CA14: variants seen among roughly 807,000 people sequenced by gnomAD.
CA14 encodes CA-XIV.
In CA14, 44 loss-of-function variants were observed where a neutral mutation model predicts 48.8. The observed-to-expected ratio is 0.90, with a 90% CI of 0.71 to 1.16. CA14 has a LOEUF of 1.16. Ranked by LOEUF, CA14 falls within the 50% of genes most tolerant of loss-of-function variation. CA14 has a pLI of 0.00. For missense variants in CA14, 386 were observed against 401.0 expected, an observed-to-expected ratio of 0.96 and a Z score of 0.32; for synonymous variants, 154 against 155.0, an observed-to-expected ratio of 0.99 and a Z score of 0.05.
In CA14 at chr1:150,262,630, C is replaced by T; in HGVS notation, c.495+10C>T. The T allele has an allele frequency of 1.3e-6, 2 of 1,599,856 alleles. No homozygotes were observed. Among genetic ancestry groups the T allele is most frequent in the South Asian group, 2.2e-5 (2 of 90,778 alleles). On this transcript the variant is annotated intron_variant, in intron 5 of 10. Transcript: ENST00000369111. ...GGGCATCCTAATTGAGGTCAGTAGC[C>T]CCCAGTCCCTTCCAGGTTTCTCTCC...
At chr1:150,262,775 CAA>C in intron 5 of CA14, 27 bp from the exon 6 acceptor site, 1 of 1,566,566 alleles carries the variant, frequency 6.4e-7, no homozygotes, top group Non-Finnish European at 8.8e-7. Flanking sequence ...GGACTCATTC[CAA>C]ACTCTCTCCC....
chr1:150,262,096 AC>A, intron 3 of CA14, 61 bp from the exon 4 acceptor site: 2 of 1,605,200 alleles, frequency 1.2e-6, no homozygotes, highest in South Asian at 1.1e-5. Flanking sequence ...AGTGGTGGCA[AC>A]CCAGGAGTGG....
At position 150,263,035 on chromosome 1, in the gene CA14, T is replaced by C. The variant is rs1553848264; in HGVS notation, c.563-7T>C. 3.7e-6 allele frequency: 6 copies of C among 1,613,884 alleles called. No homozygotes were observed. Among genetic ancestry groups the C allele is most frequent in the Non-Finnish European group, 5.1e-6 (6 of 1,179,894 alleles). On this transcript the variant is annotated splice_polypyrimidine_tract_variant and splice_region_variant and intron_variant, in intron 6 of 10. Coordinates refer to ENST00000369111, the MANE Select transcript of CA14 (RefSeq NM_012113.3). ...AAGGAAGATGAGTCCCAGTCTGTTCTCCCCAGATCAGAAGACCTCAGTGCC... is the reference window on the plus strand; with the variant it reads ...AAGGAAGATGAGTCCCAGTCTGTTCCCCCCAGATCAGAAGACCTCAGTGCC...
chr1:150,262,140 T>C lies in CA14; in HGVS notation c.257-18T>C. On this transcript the variant is annotated intron_variant, in intron 3 of 10. Transcript: ENST00000369111. The stretch of plus-strand genomic sequence containing the variant: ...TCCACATGCCTCCACCAATCCGAGT[T>C]TGCTCTTTTCCTCACAGTGCAACTC... 1.2e-6 allele frequency: 2 copies of C among 1,614,096 alleles called. No homozygotes were observed. Among genetic ancestry groups the C allele is most frequent in the Non-Finnish European group, 1.7e-6 (2 of 1,179,974 alleles).
chr1:150,262,544 ACT>A lies in CA14; in HGVS notation c.422_423del (p.Ser141Ter), dbSNP rs782576350. 170 of 1,613,460 alleles carry A rather than the reference ACT, an allele frequency of 1.1e-4. No individual in the cohort carries two copies. Among genetic ancestry groups the A allele is most frequent in the Non-Finnish European group, 1.4e-4 (165 of 1,179,692 alleles). ...CTTTAGCTCCACATTGTACATTATG[ACT>A]CTGATTCCTATGACAGCTTGAGTGA... On this transcript the variant is annotated frameshift_variant, in exon 5 of 11. Coordinates refer to ENST00000369111, the MANE Select transcript of CA14 (RefSeq NM_012113.3). LOFTEE classifies it high-confidence loss of function.
At chr1:150,259,104 T>C (rs1324923539) in intron 1 of CA14, among the ~76,000 whole-genome samples, 2 of 152,184 alleles carry the variant, frequency 1.3e-5, no homozygotes, top group African/African-American at 4.8e-5. Flanking sequence ...GTTTGAGTTG[T>C]TGGGGGGTCC....
At chr1:150,260,208 C>A (rs1316217366) in intron 2 of CA14, 37 bp downstream of exon 2, 4 of 1,607,938 alleles carry the variant, frequency 2.5e-6, no homozygotes, top group Non-Finnish European at 3.4e-6. Context: ...AACCCTTTCA[C>A]ACTGGGACCT....
chr1:150,261,650 G>A lies in CA14; in HGVS notation c.256+12G>A. The A allele has an allele frequency of 6.2e-7, 1 of 1,612,130 alleles. No homozygotes were observed. Among genetic ancestry groups the A allele is most frequent in the Non-Finnish European group, 8.5e-7 (1 of 1,178,860 alleles). On this transcript the variant is annotated intron_variant, in intron 3 of 10. Coordinates refer to ENST00000369111, the MANE Select transcript of CA14 (RefSeq NM_012113.3). ...CAATGGCCACACAGGTAAAAGCACA[G>A]GCTCCAAGGAGTTGTAGGCTCCAGC...
chr1:150,262,441 A>G lies in CA14; in HGVS notation c.400-84A>G, dbSNP rs587715238. The stretch of plus-strand genomic sequence containing the variant: ...GACAGACTTAGTGCCTGCCGGGGAC[A>G]GCGGGGGGATGGTGGCAGCTAGGAT... On this transcript the variant is annotated intron_variant, in intron 4 of 10. Transcript: ENST00000369111. 1.9e-4 allele frequency: 283 copies of G among 1,475,222 alleles called. 3 individuals carry two copies. The South Asian group carries it at 3.2e-3, about 16-fold the overall frequency. 91.4% of individuals were successfully genotyped at this position (1,475,222 alleles called of 1,614,324 possible).
At chr1:150,264,547 C>T in intron 10 of CA14, 46 bp from the exon 11 acceptor site, 7 of 1,105,094 alleles carry the variant, frequency 6.3e-6, no homozygotes, top group Non-Finnish European at 9.7e-6. Flanking sequence ...CTCTAATCTG[C>T]TTCACTTAGA....
chr1:150,263,976 T>G, intron 10 of CA14, 98 bp downstream of exon 10: 1 of 836,990 alleles, frequency 1.2e-6, no homozygotes, highest in East Asian at 2.4e-5. Context: ...CAGTCTGGAG[T>G]GCAGTGGTGT....
At position 150,261,635 on chromosome 1, in the gene CA14, A is replaced by C. The variant is rs781831567; in HGVS notation, c.253A>C (p.Thr85Pro). ...TTTGGACCTGCACAACAATGGCCAC[A>C]CAGGTAAAAGCACAGGCTCCAAGGA... ...EPLDLHNNGHTVQLSLPSTLY... is the reference protein window; with the variant it reads ...EPLDLHNNGHPVQLSLPSTLY... Residue 85 changes from threonine to proline, a missense_variant, in exon 3 of 11, where the codon ACA (threonine) becomes CCA (proline). By Grantham distance (38) the Thr-to-Pro change is conservative (BLOSUM62 -1). Coordinates refer to ENST00000369111, the MANE Select transcript of CA14 (RefSeq NM_012113.3). 2.5e-6 allele frequency: 4 copies of C among 1,613,756 alleles called. No individual in the cohort carries two copies. The South Asian group carries it at 4.4e-5, about 18-fold the overall frequency.
intron 2 of CA14, chr1:150,261,248 T>C: frequency 1.8e-6 from 1 of 565,952 alleles, no homozygotes; most frequent in Non-Finnish European, 3.1e-6. Flanking sequence ...TGCCTCTGGG[T>C]AGGGAAGGGG....
At chr1:150,260,207 A>T in intron 2 of CA14, 36 bp downstream of exon 2, 1 of 1,609,366 alleles carries the variant, frequency 6.2e-7, no homozygotes, top group South Asian at 1.1e-5. Context: ...CAACCCTTTC[A>T]CACTGGGACC....
rs782023468 is a variant in CA14 at position 150,261,458 on chromosome 1, G to A, written c.77-1G>A. The A allele has an allele frequency of 8.7e-6, 14 of 1,613,540 alleles. No individual in the cohort carries two copies. On this transcript the variant is annotated splice_acceptor_variant, in intron 2 of 10. Coordinates refer to ENST00000369111, the MANE Select transcript of CA14 (RefSeq NM_012113.3). LOFTEE classifies it high-confidence loss of function. ...CCAATGTCTTTGGTAACCCCCACCA[G>A]GCCCACATGGTCAGGACCATTGGCC...
intron 1 of CA14, among the ~76,000 whole-genome samples, chr1:150,259,548 T>C (rs945187546): frequency 6.6e-6 from 1 of 151,984 alleles, no homozygotes; most frequent in Admixed American, 6.6e-5. Flanking sequence ...TCTCAGAATG[T>C]AGGGAGCAGA....
chr1:150,258,244 G>A (rs1650711691), intron 1 of CA14, 61 bp downstream of exon 1: 19 of 1,395,606 alleles, frequency 1.4e-5, no homozygotes, highest in South Asian at 2.5e-5. Context: ...CGCCAGGTGT[G>A]CTTAATGGGG....
chr1:150,263,740 G>C (rs1334720871), intron 9 of CA14, 54 bp from the exon 10 acceptor site: 105 of 1,612,090 alleles, frequency 6.5e-5, no homozygotes, highest in Non-Finnish European at 8.6e-5. Flanking sequence ...TGGGGGAAAG[G>C]CTCAAAATCT....
chr1:150,259,632 C>T (rs1553847346), intron 1 of CA14, among the ~76,000 whole-genome samples: 1 of 152,158 alleles, frequency 6.6e-6, no homozygotes, highest in Non-Finnish European at 1.5e-5. Flanking sequence ...GAGTTTACAG[C>T]TCAGTGGCTT....
Sources: gnomAD v4.1 joint callset for allele counts (sites outside exome capture counted in the v4.1 genomes callset) on GRCh38, gnomAD v4.1.1 for gene constraint, MANE v1.5 for transcripts, NCBI Gene and HGNC (gene_info 2026-07-23, HGNC 2026-07-21) for gene names.